Variants in RNF24 observed in about 807,000 individuals in gnomAD.
The protein encoded by RNF24 is ring finger protein 24.
Under a neutral mutation model 20.0 loss-of-function variants are expected in RNF24, and 14 were observed. The observed-to-expected ratio is 0.70, with a 90% CI of 0.46 to 1.10. The LOEUF (loss-of-function observed/expected upper bound fraction) is 1.10. Among genes scored for constraint, RNF24 ranks in the 50% least tolerant of loss-of-function variants. The probability of loss-of-function intolerance (pLI) is 0.00; values close to 1 mark genes in which losing one functional copy is unlikely to be tolerated. For missense variants in RNF24, 124 were observed against 177.6 expected, an observed-to-expected ratio of 0.70 and a Z score of 1.71; for synonymous variants, 45 against 61.1, an observed-to-expected ratio of 0.74 and a Z score of 1.23.
intron 2 of RNF24, among the ~76,000 whole-genome samples, chr20:3,963,349 C>G (rs1052341644): frequency 6.6e-6 from 1 of 152,138 alleles, no homozygotes; most frequent in African/African-American, 2.4e-5. Flanking sequence ...TGAGCCACCA[C>G]GCCCAGCTAA....
At chr20:3,946,877 T>C (rs1050277952) in intron 3 of RNF24, among the ~76,000 whole-genome samples, 1 of 151,962 alleles carries the variant, frequency 6.6e-6, no homozygotes. Flanking sequence ...CAAACATACA[T>C]GGACGAAAGA....
intron 1 of RNF24, among the ~76,000 whole-genome samples, chr20:3,984,670 T>C (rs995320897): frequency 6.6e-6 from 1 of 152,218 alleles, no homozygotes; most frequent in African/African-American, 2.4e-5. Context: ...GGCAGACAGC[T>C]AGGCAAGAAA....
At chr20:3,974,346 G>C in intron 1 of RNF24, 1 of 1,550,584 alleles carries the variant, frequency 6.4e-7, no homozygotes, top group Non-Finnish European at 8.7e-7. Context: ...CTAAGACCGG[G>C]AACAAGGCAG....
chr20:3,979,110 A>C (rs994807003), intron 1 of RNF24, among the ~76,000 whole-genome samples: 3 of 149,550 alleles, frequency 2.0e-5, no homozygotes, highest in Admixed American at 1.3e-4. Flanking sequence ...AAAAAAACCC[A>C]AAACAAATAA....
chr20:4,011,336 C>G lies in RNF24; in HGVS notation c.-8+4101G>C, dbSNP rs560216951. ...AACTTCTGAATTCAGGAAGGAATTTCAGATTTTGTATGTACCCTTTCTCAG... is the reference window on the plus strand; with the variant it reads ...AACTTCTGAATTCAGGAAGGAATTTGAGATTTTGTATGTACCCTTTCTCAG... On this transcript the variant is annotated intron_variant, in intron 1 of 5. Coordinates refer to ENST00000358395, the MANE Select transcript of RNF24 (RefSeq NM_001134337.3). 8.5e-5 allele frequency among the ~76,000 whole-genome samples: 13 copies of G among 152,286 alleles called. No homozygotes were observed. The South Asian group carries it at 1.5e-3, about 17-fold the overall frequency.
intron 1 of RNF24, among the ~76,000 whole-genome samples, chr20:3,986,847 C>T (rs796606753): frequency 9.9e-5 from 15 of 152,060 alleles, no homozygotes; most frequent in African/African-American, 3.4e-4. Context: ...GATGGGGTTT[C>T]GCCATGTTAG....
chr20:3,962,198 C>CA (rs572935200), intron 2 of RNF24, among the ~76,000 whole-genome samples: 104 of 151,624 alleles, frequency 6.9e-4, no homozygotes, highest in Non-Finnish European at 1.2e-3. Context: ...ACCAAAAATA[C>CA]AAAAAAAATT....
intron 1 of RNF24, among the ~76,000 whole-genome samples, chr20:3,965,532 G>A (rs912070835): frequency 1.9e-4 from 29 of 152,272 alleles, no homozygotes; most frequent in African/African-American, 7.0e-4. Flanking sequence ...TTTCTGGGTT[G>A]GCTCAGTTAG....
intron 1 of RNF24, chr20:3,974,213 A>C: frequency 1.0e-6 from 1 of 971,552 alleles, no homozygotes; most frequent in Non-Finnish European, 1.5e-6. Context: ...ATGGAAGAGA[A>C]CTTCTTCAAC....
At chr20:3,948,105 C>A in intron 3 of RNF24, 132 bp downstream of exon 3, 1 of 651,318 alleles carries the variant, frequency 1.5e-6, no homozygotes, top group South Asian at 1.8e-5. Flanking sequence ...TATTATACTG[C>A]AAATTGGCAG....
At chr20:3,964,878 A>G (rs1369245742) in intron 1 of RNF24, among the ~76,000 whole-genome samples, 1 of 152,136 alleles carries the variant, frequency 6.6e-6, no homozygotes, top group East Asian at 1.9e-4. Context: ...TCCCATGGCC[A>G]TGACTGACCC....
intron 4 of RNF24, among the ~76,000 whole-genome samples, chr20:3,936,937 A>G (rs2090898068): frequency 1.3e-5 from 2 of 152,172 alleles, no homozygotes. Flanking sequence ...CCTGGGTTCA[A>G]GTGAGTCTCC....
chr20:3,928,402 C>T lies in RNF24; in HGVS notation c.*5661G>A, dbSNP rs1016177601. ...AGGCACAAGTCTGTGCCCCTACTCC[C>T]AGGGCTGCCTGGAGGAAGCAGCTCT... is the stretch of plus-strand genomic sequence containing the variant. On this transcript the variant is annotated 3_prime_UTR_variant, in exon 6 of 6. Transcript: ENST00000358395. 17 of 152,178 alleles carry T rather than the reference C, an allele frequency of 1.1e-4. No individual in the cohort carries two copies. The highest frequency in any genetic ancestry group is 3.9e-4 in the African/African-American group (16 of 41,434). The allele number at this position is 152,178 out of a possible 1,614,324, so 9.4% of individuals were successfully genotyped here.
intron 1 of RNF24, among the ~76,000 whole-genome samples, chr20:3,985,290 T>G (rs1374059398): frequency 6.6e-6 from 1 of 152,230 alleles, no homozygotes; most frequent in Admixed American, 6.5e-5. Context: ...GGTCTCACTA[T>G]GTTGCCTTGG....
chr20:3,978,895 C>T (rs908684895), intron 1 of RNF24, among the ~76,000 whole-genome samples: 8 of 151,878 alleles, frequency 5.3e-5, no homozygotes, highest in Admixed American at 2.0e-4. Flanking sequence ...CACCTGAGGT[C>T]AGGAGTTCAA....
intron 4 of RNF24, among the ~76,000 whole-genome samples, chr20:3,939,375 T>C (rs901641982): frequency 6.6e-6 from 1 of 152,208 alleles, no homozygotes; most frequent in Non-Finnish European, 1.5e-5. Flanking sequence ...TCTTTGTATA[T>C]AGTATGAGGT....
chr20:3,928,010 T>C lies in RNF24; in HGVS notation c.*6053A>G, dbSNP rs1177910157. ...ACTACACAAGCCCCTCTTTTTCTTCTGATATCCCCACTCAAATGGAAGCAC... is the reference window on the plus strand; with the variant it reads ...ACTACACAAGCCCCTCTTTTTCTTCCGATATCCCCACTCAAATGGAAGCAC... On this transcript the variant is annotated 3_prime_UTR_variant, in exon 6 of 6. Coordinates refer to ENST00000358395, the MANE Select transcript of RNF24 (RefSeq NM_001134337.3). The C allele has an allele frequency of 6.6e-6, 1 of 152,190 alleles. No individual in the cohort carries two copies. The highest frequency in any genetic ancestry group is 1.5e-5 in the Non-Finnish European group (1 of 68,028). The allele number at this position is 152,190 out of a possible 1,614,324, so 9.4% of individuals were successfully genotyped here.
chr20:4,008,517 A>G (rs1404079315), intron 1 of RNF24, among the ~76,000 whole-genome samples: 1 of 118,410 alleles, frequency 8.4e-6, no homozygotes, highest in Non-Finnish European at 1.6e-5. Context: ...CATATTATAT[A>G]TTATATATAT....
At chr20:3,982,230 G>A (rs2147029317) in intron 1 of RNF24, among the ~76,000 whole-genome samples, 1 of 151,984 alleles carries the variant, frequency 6.6e-6, no homozygotes. Context: ...TATGGTTTGA[G>A]TATCTGTCCC....
Sources: gnomAD v4.1 joint callset for allele counts (sites outside exome capture counted in the v4.1 genomes callset) on GRCh38, gnomAD v4.1.1 for gene constraint, MANE v1.5 for transcripts, NCBI Gene and HGNC (gene_info 2026-07-23, HGNC 2026-07-21) for gene names.